Variants in SHISA9 observed in about 807,000 individuals in gnomAD.
SHISA9 encodes protein shisa-9.
In SHISA9, 13 loss-of-function variants were observed where a neutral mutation model predicts 38.0. The observed-to-expected ratio is 0.34, with a 90% CI of 0.22 to 0.54. The LOEUF (loss-of-function observed/expected upper bound fraction) is 0.54, where lower values mean the gene tolerates loss of function less well. SHISA9 is among the 20% of genes least tolerant of loss of function. The pLI, the probability that SHISA9 is intolerant of heterozygous loss-of-function variation, is 0.91. For missense variants in SHISA9, 538 were observed against 575.8 expected (o/e 0.93, Z 0.67); for synonymous variants, 275 against 242.0 (o/e 1.14, Z -1.27).
At chr16:13,534,296 C>A in the SHISA9 span, among the ~76,000 whole-genome samples, 1 of 149,734 alleles carries the variant, frequency 6.7e-6, no homozygotes, top group Non-Finnish European at 1.5e-5. Flanking sequence ...GCGATCTCAG[C>A]TCACTGCAAC....
At chr16:13,416,295 A>G in the SHISA9 span, among the ~76,000 whole-genome samples, 5 of 152,220 alleles carry the variant, frequency 3.3e-5, no homozygotes, top group East Asian at 1.9e-4. Flanking sequence ...AATTCCTTCA[A>G]CATCACAAAG....
the SHISA9 span, among the ~76,000 whole-genome samples, chr16:13,251,133 A>G: frequency 4.7e-4 from 71 of 152,082 alleles, no homozygotes; most frequent in African/African-American, 1.6e-3. Flanking sequence ...GCAGATGGAA[A>G]AGCTCTGAGA....
In SHISA9 at chr16:13,208,476, C is replaced by T. The variant is rs372308824; in HGVS notation, c.848-4777C>T. On this transcript the variant is annotated intron_variant, in intron 3 of 4. Coordinates refer to ENST00000558583, the MANE Select transcript of SHISA9 (RefSeq NM_001145204.3). The stretch of plus-strand genomic sequence containing the variant: ...TTTTTTTTGAGACAGAGTTTGGCTC[C>T]TATCACCCAGGCTGGAGTGCCATGG... 3.4e-4 allele frequency among the ~76,000 whole-genome samples: 49 copies of T among 143,316 alleles called. 1 individual carries two copies. Among genetic ancestry groups the T allele is most frequent in the African/African-American group, 1.2e-3 (44 of 38,082 alleles). The allele number at this position is 143,316 out of a possible 152,430, so 94.0% of individuals were successfully genotyped here.
chr16:13,424,916 T>G, the SHISA9 span, among the ~76,000 whole-genome samples: 2 of 152,318 alleles, frequency 1.3e-5, no homozygotes, highest in African/African-American at 4.8e-5. Flanking sequence ...TGAAGGAAAC[T>G]CTTGTCCCAG....
chr16:13,379,776 C>T, the SHISA9 span, among the ~76,000 whole-genome samples: 1 of 152,198 alleles, frequency 6.6e-6, no homozygotes, highest in African/African-American at 2.4e-5. Context: ...TTTGAGGAGC[C>T]ACTCCCTTCC....
At chr16:13,260,176 C>T in the SHISA9 span, among the ~76,000 whole-genome samples, 1 of 151,504 alleles carries the variant, frequency 6.6e-6, no homozygotes, top group Non-Finnish European at 1.5e-5. Context: ...ACCACCATGC[C>T]CAGCTGATTT....
the SHISA9 span, among the ~76,000 whole-genome samples, chr16:13,287,655 T>C: frequency 6.6e-6 from 1 of 152,148 alleles, no homozygotes; most frequent in Non-Finnish European, 1.5e-5. Context: ...GGTCTTTTAT[T>C]TGTGCTGGCT....
chr16:13,160,007 C>T (rs1303540011), intron 2 of SHISA9, among the ~76,000 whole-genome samples: 1 of 152,166 alleles, frequency 6.6e-6, no homozygotes, highest in Non-Finnish European at 1.5e-5. Context: ...CGAAAATAAA[C>T]AAGAAATAAA....
At chr16:12,914,288 C>T (rs543411312) in intron 1 of SHISA9, among the ~76,000 whole-genome samples, 19 of 152,134 alleles carry the variant, frequency 1.2e-4, no homozygotes, top group African/African-American at 4.6e-4. Flanking sequence ...TCGTGATCTG[C>T]CCACCTCGGC....
chr16:13,365,376 C>G, the SHISA9 span, among the ~76,000 whole-genome samples: 2 of 151,612 alleles, frequency 1.3e-5, no homozygotes, highest in African/African-American at 4.8e-5. Flanking sequence ...ATTTATTGGA[C>G]ATGTGATGTG....
chr16:12,970,351 G>GTATATATATATATATACATATA (rs1182452972), intron 2 of SHISA9, among the ~76,000 whole-genome samples: 12 of 44,896 alleles, frequency 2.7e-4, no homozygotes, highest in South Asian at 9.5e-4. Flanking sequence ...ATACATATAT[G>GTATATATATATATATACATATA]TGTATATATA....
At chr16:13,450,532 TTGC>T in the SHISA9 span, among the ~76,000 whole-genome samples, 1 of 152,236 alleles carries the variant, frequency 6.6e-6, no homozygotes, top group Non-Finnish European at 1.5e-5. Flanking sequence ...TGTGTAGAAC[TTGC>T]TGCTATTTCA....
At chr16:13,464,689 A>G in the SHISA9 span, among the ~76,000 whole-genome samples, 1 of 152,150 alleles carries the variant, frequency 6.6e-6, no homozygotes, top group African/African-American at 2.4e-5. Flanking sequence ...TACTACAAAT[A>G]TACAGTAAAG....
intron 2 of SHISA9, among the ~76,000 whole-genome samples, chr16:13,151,361 C>T (rs896487768): frequency 1.3e-5 from 2 of 152,180 alleles, no homozygotes; most frequent in Admixed American, 6.5e-5. Context: ...CCCACCTCAG[C>T]CTCCCAAAGT....
the SHISA9 span, among the ~76,000 whole-genome samples, chr16:13,260,007 CTTTTTTTTTTTT>C: frequency 6.6e-5 from 4 of 60,418 alleles, no homozygotes; most frequent in Admixed American, 5.6e-4. Context: ...TTCTTTCTTT[CTTTTTTTTTTTT>C]TTTTTTTTTT....
At chr16:13,167,070 T>C (rs1192441888) in intron 2 of SHISA9, among the ~76,000 whole-genome samples, 5 of 130,214 alleles carry the variant, frequency 3.8e-5, no homozygotes, top group African/African-American at 1.5e-4. Context: ...TCTCTCTTTT[T>C]TCTTTTTTTT....
At chr16:13,302,171 A>C in the SHISA9 span, among the ~76,000 whole-genome samples, 1 of 152,102 alleles carries the variant, frequency 6.6e-6, no homozygotes, top group Non-Finnish European at 1.5e-5. Context: ...TTAAAGGGAA[A>C]CTTGGAAAGC....
intron 2 of SHISA9, among the ~76,000 whole-genome samples, chr16:12,937,012 C>T (rs138191714): frequency 1.3e-5 from 2 of 152,088 alleles, no homozygotes; most frequent in Non-Finnish European, 2.9e-5. Context: ...CACAGGATAT[C>T]CCCCAAGTAA....
the SHISA9 span, among the ~76,000 whole-genome samples, chr16:13,262,997 A>G: frequency 6.6e-6 from 1 of 152,106 alleles, no homozygotes; most frequent in Non-Finnish European, 1.5e-5. Flanking sequence ...CCCCATCTCA[A>G]TCTAGACAAT....
Sources: gnomAD v4.1 joint callset for allele counts (sites outside exome capture counted in the v4.1 genomes callset) on GRCh38, gnomAD v4.1.1 for gene constraint, MANE v1.5 for transcripts, NCBI Gene and HGNC (gene_info 2026-07-23, HGNC 2026-07-21) for gene names.